The following NOS1AP variants were observed in gnomAD, a reference collection of about 807,000 sequenced individuals.
NOS1AP encodes the protein carboxyl-terminal PDZ ligand of neuronal nitric oxide synthase protein.
In NOS1AP, 21 loss-of-function variants were observed where a neutral mutation model predicts 56.2. That is an observed-to-expected ratio of 0.37 (90% confidence interval 0.26 to 0.54). The LOEUF (loss-of-function observed/expected upper bound fraction) is 0.54. Ranked by LOEUF, NOS1AP falls within the 20% of genes least tolerant of loss-of-function variation. The pLI is 0.84. For missense variants in NOS1AP, 522 were observed against 657.8 expected (o/e 0.79, Z 2.26); for synonymous variants, 270 against 274.6 (o/e 0.98, Z 0.17).
At position 162,264,469 on chromosome 1, in the gene NOS1AP, C is replaced by CCTCTCCTCTCCTCCCCTCCCCTGT. The variant is rs373124349; in HGVS notation, c.178-22874_178-22873insTCTCCTCTCCTCCCCTCCCCTGTC. 2.2e-4 allele frequency among the ~76,000 whole-genome samples: 7 copies of CCTCTCCTCTCCTCCCCTCCCCTGT among 31,856 alleles called. 2 individuals carry two copies. Among genetic ancestry groups the CCTCTCCTCTCCTCCCCTCCCCTGT allele is most frequent in the African/African-American group, 1.5e-3 (5 of 3,402 alleles). 20.9% of individuals were successfully genotyped at this position (31,856 alleles called of 152,430 possible). On this transcript the variant is annotated intron_variant, in intron 2 of 9. Transcript: ENST00000361897. Reference sequence around the variant, plus strand: ...TCTTCTCTTCTCTTCTCTTCTCCTCCCCTCCCCTCCCCTCCCCTCTCCTCC... The same window carrying CCTCTCCTCTCCTCCCCTCCCCTGT: ...TCTTCTCTTCTCTTCTCTTCTCCTCCCTCTCCTCTCCTCCCCTCCCCTGTCCTCCCCTCCCCTCCCCTCTCCTCC...
At chr1:162,129,778 G>A (rs1459736003) in intron 1 of NOS1AP, among the ~76,000 whole-genome samples, 1 of 152,178 alleles carries the variant, frequency 6.6e-6, no homozygotes, top group Non-Finnish European at 1.5e-5. Context: ...CCAGCCCCTC[G>A]AGGACATGCC....
intron 2 of NOS1AP, among the ~76,000 whole-genome samples, chr1:162,260,345 A>G (rs931877004): frequency 2.0e-5 from 3 of 152,164 alleles, no homozygotes; most frequent in Non-Finnish European, 4.4e-5. Flanking sequence ...CTTGAAACCT[A>G]TGAAACCAAG....
chr1:162,362,615 T>G lies in NOS1AP; in HGVS notation c.940-2789T>G, dbSNP rs77887275. ...GACTTTGTTCCACATTTCTCTCTGG[T>G]TGGTTTGGTTCCAAAGAAAATGGAA... is the stretch of plus-strand genomic sequence containing the variant. On this transcript the variant is annotated intron_variant, in intron 8 of 9. Transcript: ENST00000361897. Among the ~76,000 whole-genome samples, 15 of 152,348 alleles carry G rather than the reference T, an allele frequency of 9.8e-5. No homozygotes were observed. In the East Asian group the frequency reaches 2.9e-3, roughly 29 times the overall value.
At chr1:162,287,284 T>A in intron 2 of NOS1AP, 60 bp from the exon 3 acceptor site, 1 of 1,229,362 alleles carries the variant, frequency 8.1e-7, no homozygotes, top group African/African-American at 1.5e-5. Context: ...TAGCTGGGTC[T>A]GTATAGATGC....
At chr1:162,157,164 T>C (rs1650008012) in intron 2 of NOS1AP, 1 of 154,378 alleles carries the variant, frequency 6.5e-6, no homozygotes. Flanking sequence ...CAGTCTCCTT[T>C]TCCCTCATCA....
chr1:162,212,676 CCATGAT>C (rs1168795949), intron 2 of NOS1AP, among the ~76,000 whole-genome samples: 1 of 152,104 alleles, frequency 6.6e-6, no homozygotes, highest in Non-Finnish European at 1.5e-5. Context: ...CTTTCCTGCC[CCATGAT>C]CAGTCTAGGG....
intron 2 of NOS1AP, among the ~76,000 whole-genome samples, chr1:162,269,484 A>T (rs972275115): frequency 1.3e-5 from 2 of 152,226 alleles, no homozygotes; most frequent in African/African-American, 4.8e-5. Flanking sequence ...ACCAGTACTT[A>T]TTTTTGAAAA....
At chr1:162,203,895 G>C (rs1158439610) in intron 2 of NOS1AP, among the ~76,000 whole-genome samples, 1 of 152,106 alleles carries the variant, frequency 6.6e-6, no homozygotes, top group Non-Finnish European at 1.5e-5. Context: ...AAGCACCAAG[G>C]GTCAGCCCAT....
chr1:162,088,823 T>C (rs1692061823), intron 1 of NOS1AP, among the ~76,000 whole-genome samples: 1 of 151,980 alleles, frequency 6.6e-6, no homozygotes. Context: ...GTGTCCAGAC[T>C]GTGTGTGTGT....
chr1:162,160,633 T>TTA (rs1650163063), intron 2 of NOS1AP, among the ~76,000 whole-genome samples: 1 of 152,076 alleles, frequency 6.6e-6, no homozygotes, highest in African/African-American at 2.4e-5. Flanking sequence ...AGGAGTCACT[T>TTA]TATCCCTTTT....
chr1:162,166,668 A>T (rs1028363850), intron 2 of NOS1AP, among the ~76,000 whole-genome samples: 37 of 152,108 alleles, frequency 2.4e-4, no homozygotes, highest in African/African-American at 8.5e-4. Flanking sequence ...GGACTCTGAC[A>T]CTCATCTTGA....
Position 162,221,534 on chromosome 1 carries a change from G to GCACACACACA in NOS1AP, c.178-65780_178-65771dup, listed in dbSNP as rs35920520. Among the ~76,000 whole-genome samples the GCACACACACA allele has an allele frequency of 2.1e-3, 153 of 73,454 alleles. 1 individual carries two copies. The highest frequency in any genetic ancestry group is 4.1e-3 in the African/African-American group (121 of 29,830). 48.2% of individuals were successfully genotyped at this position (73,454 alleles called of 152,430 possible). A position where few individuals can be genotyped will look rare whatever the true frequency, so the allele number is the denominator to read the frequency against. ...AACACACACACGCACACACACGCGC[G>GCACACACACA]CACACACACACACACACACACACAC... On this transcript the variant is annotated intron_variant, in intron 2 of 9. Coordinates refer to ENST00000361897, the MANE Select transcript of NOS1AP (RefSeq NM_014697.3).
At chr1:162,316,364 T>C (rs756052638) in intron 4 of NOS1AP, among the ~76,000 whole-genome samples, 1 of 152,222 alleles carries the variant, frequency 6.6e-6, no homozygotes, top group Non-Finnish European at 1.5e-5. Context: ...GCCCAGCACC[T>C]CTTGATGTTG....
At chr1:162,333,211 C>G in intron 5 of NOS1AP, 86 bp downstream of exon 5, 5 of 888,650 alleles carry the variant, frequency 5.6e-6, no homozygotes, top group Non-Finnish European at 9.3e-6. Context: ...CTGTTGAAGA[C>G]AGCTGTGGTA....
At position 162,344,978 on chromosome 1, in the gene NOS1AP, A is replaced by T. The variant is rs551536029; in HGVS notation, c.595+1002A>T. Among the ~76,000 whole-genome samples, 236 of 149,962 alleles carry T rather than the reference A, an allele frequency of 1.6e-3. 1 individual carries two copies. Among genetic ancestry groups the T allele is most frequent in the Non-Finnish European group, 2.3e-3 (153 of 67,518 alleles). On this transcript the variant is annotated intron_variant, in intron 6 of 9. Transcript: ENST00000361897. ...AAAAAAATCCATTAAAATAACAATT[A>T]AAAAAAAAGATACTTATGAATAATC...
rs1283041814 is a variant in NOS1AP at position 162,223,696 on chromosome 1, T to C, written c.178-63648T>C. Among the ~76,000 whole-genome samples the C allele has an allele frequency of 2.6e-5, 4 of 152,364 alleles. No individual in the cohort carries two copies. The East Asian group carries it at 7.7e-4, about 29-fold the overall frequency. On this transcript the variant is annotated intron_variant, in intron 2 of 9. Transcript: ENST00000361897. ...CATCTGCTGTTCAGTTCACCTGTTT[T>C]AATAGCTGTGGTTTTGTAGGTAGAG...
At chr1:162,327,795 A>G (rs1196741418) in intron 4 of NOS1AP, among the ~76,000 whole-genome samples, 1 of 152,220 alleles carries the variant, frequency 6.6e-6, no homozygotes, top group Non-Finnish European at 1.5e-5. Flanking sequence ...GATCCCTCAC[A>G]AATGAGTTCA....
intron 1 of NOS1AP, among the ~76,000 whole-genome samples, chr1:162,110,541 TCA>T (rs1374311279): frequency 6.6e-6 from 1 of 152,180 alleles, no homozygotes; most frequent in East Asian, 1.9e-4. Context: ...TTCAAAATCC[TCA>T]CTCTCTCTAT....
intron 8 of NOS1AP, among the ~76,000 whole-genome samples, chr1:162,358,275 G>A (rs757661717): frequency 4.6e-5 from 7 of 152,094 alleles, no homozygotes; most frequent in South Asian, 2.1e-4. Flanking sequence ...GGCATCCGGC[G>A]TCCTGGCCAT....
Sources: allele counts gnomAD v4.1 joint callset (sites outside exome capture counted in the v4.1 genomes callset), GRCh38; gene constraint gnomAD v4.1.1; transcripts MANE v1.5; gene names NCBI Gene and HGNC (gene_info 2026-07-23, HGNC 2026-07-21).